The following PTPRD variants were observed in gnomAD, a reference collection of about 807,000 sequenced individuals.
The protein encoded by PTPRD is protein tyrosine phosphatase receptor type D.
In PTPRD, 34 loss-of-function variants were observed where a neutral mutation model predicts 214.5. The ratio of observed to expected loss-of-function variants is 0.16; its 90% CI spans 0.12 to 0.21. The LOEUF (loss-of-function observed/expected upper bound fraction) is 0.21, where lower values mean the gene tolerates loss of function less well. Among genes scored for constraint, PTPRD ranks in the 10% least tolerant of loss-of-function variants. The pLI, the probability that PTPRD is intolerant of heterozygous loss-of-function variation, is 1.00. For missense variants in PTPRD, 2,545 were observed against 2,398.7 expected (o/e 1.06, Z -1.27); for synonymous variants, 1,128 against 845.7 (o/e 1.33, Z -5.79).
chr9:8,787,486 T>C (rs2096034785), intron 11 of PTPRD, among the ~76,000 whole-genome samples: 6 of 152,228 alleles, frequency 3.9e-5, no homozygotes. Flanking sequence ...TGTGCCTTTT[T>C]CTAGTCTATT....
chr9:9,503,480 G>A (rs755609306), intron 8 of PTPRD, among the ~76,000 whole-genome samples: 11 of 151,544 alleles, frequency 7.3e-5, no homozygotes, highest in African/African-American at 2.7e-4. Flanking sequence ...TCAAGTATCT[G>A]GGCTCATAAC....
intron 12 of PTPRD, among the ~76,000 whole-genome samples, chr9:8,637,334 G>C (rs983804772): frequency 6.0e-4 from 91 of 152,256 alleles, no homozygotes; most frequent in African/African-American, 2.0e-3. Context: ...ATATCGCCCT[G>C]AATTAGAAGG....
intron 9 of PTPRD, among the ~76,000 whole-genome samples, chr9:9,365,292 G>A (rs540505519): frequency 1.2e-3 from 177 of 151,586 alleles, no homozygotes; most frequent in African/African-American, 4.1e-3. Flanking sequence ...AGATTTAAAA[G>A]GTAGTGTTTT....
intron 5 of PTPRD, among the ~76,000 whole-genome samples, chr9:9,821,667 G>C (rs542732093): frequency 7.9e-5 from 12 of 151,914 alleles, no homozygotes; most frequent in Non-Finnish European, 1.5e-4. Flanking sequence ...TTAAGCATTT[G>C]TATCTATTAT....
At chr9:9,348,082 A>G (rs2049596505) in intron 9 of PTPRD, among the ~76,000 whole-genome samples, 1 of 152,156 alleles carries the variant, frequency 6.6e-6, no homozygotes, top group Non-Finnish European at 1.5e-5. Context: ...ATCAAGCTAG[A>G]GAGTTGATTG....
At chr9:9,325,192 T>A (rs1266413518) in intron 9 of PTPRD, among the ~76,000 whole-genome samples, 3 of 152,204 alleles carry the variant, frequency 2.0e-5, no homozygotes, top group Non-Finnish European at 4.4e-5. Flanking sequence ...TTTGGTTCCA[T>A]ATGAACTTTA....
chr9:8,962,019 T>C lies in PTPRD; in HGVS notation c.-104+56678A>G, dbSNP rs1022548633. The C allele has an allele frequency of 2.0e-5, 3 of 152,122 alleles. No homozygotes were observed. The East Asian group carries it at 5.8e-4, about 29-fold the overall frequency. The allele number at this position is 152,122 out of a possible 1,614,324, so 9.4% of individuals were successfully genotyped here. ...TGTCATTTCATGTATTTTTAAATCA[T>C]CTCCCCTTTATGTCAACATGGGTTC... On this transcript the variant is annotated intron_variant, in intron 11 of 45. Transcript: ENST00000381196.
chr9:8,974,750 T>C (rs1043863145), intron 11 of PTPRD, among the ~76,000 whole-genome samples: 1 of 152,060 alleles, frequency 6.6e-6, no homozygotes, highest in Non-Finnish European at 1.5e-5. Flanking sequence ...TATATACTAT[T>C]AGTATATAAT....
chr9:9,675,327 A>C (rs1044298124), intron 7 of PTPRD, among the ~76,000 whole-genome samples: 2 of 152,008 alleles, frequency 1.3e-5, no homozygotes, highest in African/African-American at 4.8e-5. Context: ...CATAATAAAA[A>C]TATGAAGAAT....
chr9:9,686,572 T>C (rs2097170826), intron 7 of PTPRD, among the ~76,000 whole-genome samples: 1 of 151,634 alleles, frequency 6.6e-6, no homozygotes, highest in South Asian at 2.1e-4. Context: ...TGGTGGCTAA[T>C]AGGAAGGCAG....
rs1347321592 is a variant in PTPRD at position 9,984,010 on chromosome 9, G to A, written c.-471-45400C>T. Among the ~76,000 whole-genome samples the A allele has an allele frequency of 5.3e-5, 8 of 151,836 alleles. 1 individual carries two copies. The highest frequency in any genetic ancestry group is 5.2e-4 in the Admixed American group (8 of 15,244). ...CTGTAATTGAAGATCAGATATCGAA[G>A]TAAAACAAAAAAATTGAGAAGCAGT... On this transcript the variant is annotated intron_variant, in intron 4 of 45. Transcript: ENST00000381196.
chr9:10,428,514 A>C (rs2154519742), intron 2 of PTPRD, among the ~76,000 whole-genome samples: 1 of 152,170 alleles, frequency 6.6e-6, no homozygotes, highest in Non-Finnish European at 1.5e-5. Context: ...ACCTATGTTT[A>C]CTTTATATTT....
chr9:9,989,909 G>A (rs988694075), intron 4 of PTPRD, among the ~76,000 whole-genome samples: 8 of 152,146 alleles, frequency 5.3e-5, no homozygotes, highest in East Asian at 1.9e-4. Context: ...CCTCCACCAC[G>A]CAAAGGGTTT....
chr9:9,828,656 A>G (rs1367666384), intron 5 of PTPRD, among the ~76,000 whole-genome samples: 1 of 152,092 alleles, frequency 6.6e-6, no homozygotes, highest in East Asian at 1.9e-4. Flanking sequence ...TATAATAATA[A>G]AAGATCTTTT....
intron 11 of PTPRD, among the ~76,000 whole-genome samples, chr9:8,831,742 T>C (rs1396303210): frequency 2.0e-5 from 3 of 152,216 alleles, no homozygotes; most frequent in Admixed American, 6.5e-5. Flanking sequence ...AATTCTCTGC[T>C]ATTGGTTTCA....
chr9:8,434,674 A>C (rs2095268544), intron 35 of PTPRD, among the ~76,000 whole-genome samples: 1 of 152,200 alleles, frequency 6.6e-6, no homozygotes, highest in Non-Finnish European at 1.5e-5. Flanking sequence ...AAAAAATATC[A>C]CATGGCAAAA....
At chr9:9,787,593 G>A (rs1251950056) in intron 5 of PTPRD, among the ~76,000 whole-genome samples, 1 of 151,758 alleles carries the variant, frequency 6.6e-6, no homozygotes, top group African/African-American at 2.4e-5. Context: ...AGAAGATTGA[G>A]GAATGGAGAA....
chr9:9,522,842 A>G (rs2097019883), intron 8 of PTPRD, among the ~76,000 whole-genome samples: 1 of 152,112 alleles, frequency 6.6e-6, no homozygotes, highest in Admixed American at 6.6e-5. Context: ...GAATTGAGGG[A>G]TTTCTCCAGC....
At chr9:9,694,883 A>G (rs1299074779) in intron 7 of PTPRD, among the ~76,000 whole-genome samples, 2 of 152,168 alleles carry the variant, frequency 1.3e-5, no homozygotes, top group Non-Finnish European at 2.9e-5. Context: ...GACCTTGGTC[A>G]GGTCCAGAAA....
Sources: gnomAD v4.1 joint callset for allele counts (sites outside exome capture counted in the v4.1 genomes callset) on GRCh38, gnomAD v4.1.1 for gene constraint, MANE v1.5 for transcripts, NCBI Gene and HGNC (gene_info 2026-07-23, HGNC 2026-07-21) for gene names.